Variants in CLEC1A observed in about 807,000 individuals in gnomAD.
CLEC1A encodes the protein C-type lectin domain family 1 member A, also known as C-type lectin-like receptor-1.
A neutral mutation model predicts 28.7 loss-of-function variants in CLEC1A; 34 were observed. The ratio of observed to expected loss-of-function variants is 1.18; its 90% confidence interval spans 0.90 to 1.57. The LOEUF is 1.57. CLEC1A is among the 40% of genes most tolerant of loss of function. The pLI is 0.00. For synonymous variants in CLEC1A, 116 were observed against 121.0 expected, an observed-to-expected ratio of 0.96 and a Z score of 0.27; for missense variants, 385 against 339.5, an observed-to-expected ratio of 1.13 and a Z score of -1.05.
At position 10,071,469 on chromosome 12, in the gene CLEC1A, C is replaced by G. The variant is rs772538258; in HGVS notation, c.707G>C (p.Cys236Ser). Residue 236 changes from cysteine (C) to serine (S), a missense_variant, in exon 6 of 6, where the codon TGT (cysteine) becomes TCT (serine). Cys to Ser is a moderately radical substitution (Grantham distance 112, BLOSUM62 -1). Transcript: ENST00000315330. ...IDVTSPRSRD[C>S]VAILNGMIFS... The stretch of plus-strand genomic sequence containing the variant: ...GATCATCCCATTAAGGATGGCCACA[C>G]AGTCTCTGCTTCTTGGGCTGGTGAC... 1.2e-6 allele frequency: 2 copies of G among 1,613,540 alleles called. No homozygotes were observed. Among genetic ancestry groups the G allele is most frequent in the South Asian group, 1.1e-5 (1 of 90,936 alleles).
At chr12:10,090,035 T>C (rs1866579134) in intron 1 of CLEC1A, among the ~76,000 whole-genome samples, 1 of 152,176 alleles carries the variant, frequency 6.6e-6, no homozygotes. Flanking sequence ...TGAATCTGAA[T>C]GACCTAACAT....
intron 3 of CLEC1A, among the ~76,000 whole-genome samples, chr12:10,079,306 G>T (rs974087598): frequency 5.3e-5 from 8 of 151,786 alleles, no homozygotes; most frequent in African/African-American, 1.9e-4. Flanking sequence ...GTAAGATGAG[G>T]GTAAGAAATA....
intron 3 of CLEC1A, among the ~76,000 whole-genome samples, chr12:10,079,705 C>G (rs1323351632): frequency 6.6e-6 from 1 of 151,526 alleles, no homozygotes; most frequent in Non-Finnish European, 1.5e-5. Context: ...GCCTGTAATC[C>G]CAGCTACCCA....
At chr12:10,080,119 C>T (rs1866336528) in intron 3 of CLEC1A, among the ~76,000 whole-genome samples, 1 of 152,102 alleles carries the variant, frequency 6.6e-6, no homozygotes, top group South Asian at 2.1e-4. Flanking sequence ...GACCAGCCTG[C>T]CCAACACAGT....
intron 3 of CLEC1A, among the ~76,000 whole-genome samples, chr12:10,077,061 T>C (rs1170314619): frequency 6.6e-6 from 1 of 152,056 alleles, no homozygotes; most frequent in African/African-American, 2.4e-5. Flanking sequence ...CTCCTACTTG[T>C]AGGGGAATTA....
At chr12:10,088,020 T>C (rs1024770788) in intron 2 of CLEC1A, among the ~76,000 whole-genome samples, 7 of 152,296 alleles carry the variant, frequency 4.6e-5, no homozygotes, top group Admixed American at 1.3e-4. Flanking sequence ...TTGATCATTA[T>C]ATTGAGTATT....
rs776372340 is a variant in CLEC1A, at chr12:10,098,973, G to T, written c.-51C>A. 2.2e-6 allele frequency: 3 copies of T among 1,346,722 alleles called. No individual in the cohort carries two copies. The highest frequency in any genetic ancestry group is 3.1e-6 in the Non-Finnish European group (3 of 956,850). The allele number at this position is 1,346,722 out of a possible 1,614,324, so 83.4% of individuals were successfully genotyped here. A position where few individuals can be genotyped will look rare whatever the true frequency, so the allele number is the denominator to read the frequency against. ...AAATGTGGTCGGATTGCCCTGGGCCGCCGGGCTACTGTGAGCTAGTTCAGG... is the reference window on the plus strand; with the variant it reads ...AAATGTGGTCGGATTGCCCTGGGCCTCCGGGCTACTGTGAGCTAGTTCAGG... On this transcript the variant is annotated 5_prime_UTR_variant, in exon 1 of 6. Transcript: ENST00000315330.
intron 2 of CLEC1A, among the ~76,000 whole-genome samples, chr12:10,081,746 G>C (rs1284635520): frequency 6.6e-6 from 1 of 150,876 alleles, no homozygotes; most frequent in African/African-American, 2.4e-5. Context: ...GAACATACCA[G>C]GAAAATTGAA....
At chr12:10,074,595 G>T (rs1866211940) in intron 4 of CLEC1A, among the ~76,000 whole-genome samples, 2 of 152,156 alleles carry the variant, frequency 1.3e-5, no homozygotes, top group East Asian at 3.8e-4. Context: ...GAATCAAAGA[G>T]AATAAGAAAA....
chr12:10,071,294 G>C lies in CLEC1A; in HGVS notation c.*39C>G. On this transcript the variant is annotated 3_prime_UTR_variant, in exon 6 of 6. Coordinates refer to ENST00000315330, the MANE Select transcript of CLEC1A (RefSeq NM_016511.4). ...CTCAACTAGCCCTTGCTTTGGCACCGCCTGGCTCACTCTGCTATTTGTAGT... is the reference window on the plus strand; with the variant it reads ...CTCAACTAGCCCTTGCTTTGGCACCCCCTGGCTCACTCTGCTATTTGTAGT... The C allele has an allele frequency of 6.3e-7, 1 of 1,588,692 alleles. No individual in the cohort carries two copies.
chr12:10,087,609 G>A (rs1262845619), intron 2 of CLEC1A, among the ~76,000 whole-genome samples: 7 of 146,060 alleles, frequency 4.8e-5, no homozygotes, highest in Admixed American at 1.4e-4. Context: ...TGCAATCTCC[G>A]CCTCCTGGGT....
intron 3 of CLEC1A, among the ~76,000 whole-genome samples, chr12:10,077,699 C>T (rs528733473): frequency 1.8e-4 from 27 of 152,184 alleles, no homozygotes; most frequent in Admixed American, 5.9e-4. Flanking sequence ...AACCCCAGGA[C>T]GGGCATTCCA....
At chr12:10,084,522 T>C (rs1014723547) in intron 2 of CLEC1A, 1 of 151,902 alleles carries the variant, frequency 6.6e-6, no homozygotes, top group Non-Finnish European at 1.5e-5. Flanking sequence ...AAGGAGAGAA[T>C]CTTAAAAGTT....
intron 3 of CLEC1A, 60 bp from the exon 4 acceptor site, chr12:10,075,715 G>C (rs1344990709): frequency 6.9e-7 from 1 of 1,451,290 alleles, no homozygotes; most frequent in East Asian, 2.3e-5. Context: ...CTCCTCTCTT[G>C]AAATTATATA....
intron 3 of CLEC1A, among the ~76,000 whole-genome samples, chr12:10,079,666 A>G (rs1432892336): frequency 6.6e-6 from 1 of 151,990 alleles, no homozygotes; most frequent in African/African-American, 2.4e-5. Flanking sequence ...CTTAAAATAT[A>G]CAAAAATTAG....
chr12:10,095,673 C>A (rs1947767404), intron 1 of CLEC1A, among the ~76,000 whole-genome samples: 1 of 152,108 alleles, frequency 6.6e-6, no homozygotes, highest in Non-Finnish European at 1.5e-5. Flanking sequence ...GTTAAATAAT[C>A]ATTTTAGTCT....
At chr12:10,095,131 G>A (rs1462486603) in intron 1 of CLEC1A, among the ~76,000 whole-genome samples, 3 of 152,098 alleles carry the variant, frequency 2.0e-5, no homozygotes, top group Non-Finnish European at 2.9e-5. Context: ...TAGTAGGTTT[G>A]ATTTAAAGAG....
chr12:10,084,705 C>A (rs1456868142), intron 2 of CLEC1A, among the ~76,000 whole-genome samples: 1 of 150,894 alleles, frequency 6.6e-6, no homozygotes, highest in African/African-American at 2.4e-5. Context: ...GCCTGTAGTC[C>A]CAGCTACTCA....
chr12:10,091,678 C>T (rs1228005018), intron 1 of CLEC1A, among the ~76,000 whole-genome samples: 2 of 150,926 alleles, frequency 1.3e-5, no homozygotes, highest in African/African-American at 4.9e-5. Context: ...AGATTAGAGG[C>T]AGAATATATA....
Sources: gnomAD v4.1 joint callset for allele counts (sites outside exome capture counted in the v4.1 genomes callset) on GRCh38, gnomAD v4.1.1 for gene constraint, MANE v1.5 for transcripts, NCBI Gene and HGNC (gene_info 2026-07-23, HGNC 2026-07-21) for gene names.